TMPRSS11E: variants seen among roughly 807,000 people sequenced by gnomAD.
TMPRSS11E encodes transmembrane protease serine 11E.
In TMPRSS11E, 38 loss-of-function variants were observed where a neutral mutation model predicts 48.1. The observed-to-expected ratio is 0.79, with a 90% CI of 0.61 to 1.04. The LOEUF (loss-of-function observed/expected upper bound fraction) is 1.04. Among genes scored for constraint, TMPRSS11E ranks in the 50% least tolerant of loss-of-function variants. The pLI is 0.00. For missense variants in TMPRSS11E, 530 were observed against 510.8 expected (o/e 1.04, Z -0.36); for synonymous variants, 158 against 171.9 (o/e 0.92, Z 0.63).
intron 1 of TMPRSS11E, among the ~76,000 whole-genome samples, chr4:68,453,363 A>G (rs946627600): frequency 2.6e-5 from 4 of 152,002 alleles, no homozygotes; most frequent in Admixed American, 2.0e-4. Flanking sequence ...AGTAACAGGC[A>G]GTTAGGACTA....
intron 8 of TMPRSS11E, 130 bp from the exon 9 acceptor site, chr4:68,478,719 T>A: frequency 1.1e-6 from 1 of 951,218 alleles, no homozygotes; most frequent in South Asian, 1.6e-5. Context: ...CCTCTCAAAG[T>A]GCTGGGATTA....
rs932896295 is a variant in TMPRSS11E at position 68,496,994 on chromosome 4, A to G, written c.*190A>G. ...CACATAAGCATCCTGCTTCTGCCAG[A>G]TCAACTCTGTCATCTGTGAGCAATA... On this transcript the variant is annotated 3_prime_UTR_variant, in exon 10 of 10. Coordinates refer to ENST00000305363, the MANE Select transcript of TMPRSS11E (RefSeq NM_014058.4). The G allele has an allele frequency of 3.6e-6, 2 of 557,596 alleles. No homozygotes were observed. Among genetic ancestry groups the G allele is most frequent in the Non-Finnish European group, 3.2e-6 (1 of 315,680 alleles). The allele number at this position is 557,596 out of a possible 1,614,324, so 34.5% of individuals were successfully genotyped here. A position where few individuals can be genotyped will look rare whatever the true frequency, so the allele number is the denominator to read the frequency against.
At chr4:68,484,890 G>T (rs1297480622) in intron 9 of TMPRSS11E, among the ~76,000 whole-genome samples, 1 of 152,178 alleles carries the variant, frequency 6.6e-6, no homozygotes, top group Non-Finnish European at 1.5e-5. Context: ...CATATCATTT[G>T]TGAAGAGAGA....
chr4:68,469,945 C>G (rs982905278), intron 4 of TMPRSS11E, among the ~76,000 whole-genome samples: 1 of 151,944 alleles, frequency 6.6e-6, no homozygotes, highest in Admixed American at 6.6e-5. Context: ...TTCCCAATAA[C>G]TTTCCAATTT....
In TMPRSS11E at chr4:68,477,489, T is replaced by C. The variant is rs972581569; in HGVS notation, c.828T>C (p.Tyr276=). The change falls in exon 8 of 10, where the codon TAT becomes TAC. Residue 276 remains tyrosine (Y), a synonymous_variant. Coordinates refer to ENST00000305363, the MANE Select transcript of TMPRSS11E (RefSeq NM_014058.4). ...HEKYKHPSHD[Y]DISLAELSSP... ...AATACAAACACCCATCACATGACTATGATATTTCTCTTGCAGAGCTTTCTA... is the reference window on the plus strand; with the variant it reads ...AATACAAACACCCATCACATGACTACGATATTTCTCTTGCAGAGCTTTCTA... The C allele has an allele frequency of 1.2e-6, 2 of 1,614,058 alleles. No homozygotes were observed. The highest frequency in any genetic ancestry group is 1.3e-5 in the African/African-American group (1 of 75,014).
intron 9 of TMPRSS11E, among the ~76,000 whole-genome samples, chr4:68,496,136 G>C (rs991146720): frequency 6.6e-6 from 1 of 152,030 alleles, no homozygotes; most frequent in Non-Finnish European, 1.5e-5. Context: ...GTATTATTAG[G>C]AGCATTTACA....
intron 8 of TMPRSS11E, 27 bp downstream of exon 8, chr4:68,477,655 A>G (rs768485131): frequency 1.9e-6 from 3 of 1,607,266 alleles, no homozygotes; most frequent in Non-Finnish European, 1.7e-6. Flanking sequence ...GAACTCAAGT[A>G]AAAGTTAAAT....
chr4:68,453,324 G>A (rs1728546660), intron 1 of TMPRSS11E, among the ~76,000 whole-genome samples: 1 of 151,818 alleles, frequency 6.6e-6, no homozygotes. Context: ...TTTAGAGAAG[G>A]TGAGTAACTT....
In TMPRSS11E at chr4:68,497,385, G is replaced by A. The variant is rs935356294; in HGVS notation, c.*581G>A. 1 of 152,030 alleles carries A rather than the reference G, an allele frequency of 6.6e-6. No homozygotes were observed. Among genetic ancestry groups the A allele is most frequent in the Non-Finnish European group, 1.5e-5 (1 of 67,994 alleles). The allele number at this position is 152,030 out of a possible 1,614,324, so 9.4% of individuals were successfully genotyped here. A position where few individuals can be genotyped will look rare whatever the true frequency, so the allele number is the denominator to read the frequency against. On this transcript the variant is annotated 3_prime_UTR_variant, in exon 10 of 10. Coordinates refer to ENST00000305363, the MANE Select transcript of TMPRSS11E (RefSeq NM_014058.4). Reference sequence around the variant, plus strand: ...TCACTTCATCATTTAGGAAGTATGGGAACTAAGTTAAGGAAATCCAGAAAG... The same window carrying A: ...TCACTTCATCATTTAGGAAGTATGGAAACTAAGTTAAGGAAATCCAGAAAG...
chr4:68,477,831 A>G (rs186594015), intron 8 of TMPRSS11E, among the ~76,000 whole-genome samples: 2 of 152,304 alleles, frequency 1.3e-5, no homozygotes, highest in African/African-American at 4.8e-5. Flanking sequence ...TGCTCCTACT[A>G]TATACTACAG....
intron 1 of TMPRSS11E, among the ~76,000 whole-genome samples, chr4:68,448,832 T>A (rs1463811893): frequency 6.6e-6 from 1 of 151,818 alleles, no homozygotes; most frequent in East Asian, 1.9e-4. Context: ...CACATCTATG[T>A]TTGAGTGGGT....
rs377536516 is a variant in TMPRSS11E at position 68,477,383 on chromosome 4, C to A, written c.722C>A (p.Ala241Asp). Residue 241 changes from alanine (A) to aspartate (D), a missense_variant, in exon 8 of 10, where the codon GCC becomes GAC. Transcript: ENST00000305363. ...AHCFTTYKNP[A>D]RWTASFGVTI... is the part of the protein sequence containing the mutation. ...TTTCTCCCCAGATATAAGAACCCTG[C>A]CAGATGGACTGCTTCCTTTGGAGTA... 6 of 1,613,254 alleles carry A rather than the reference C, an allele frequency of 3.7e-6. No individual in the cohort carries two copies. The highest frequency in any genetic ancestry group is 3.3e-5 in the Admixed American group (2 of 59,924).
intron 1 of TMPRSS11E, among the ~76,000 whole-genome samples, chr4:68,460,380 C>T (rs540049705): frequency 1.3e-5 from 2 of 152,302 alleles, no homozygotes; most frequent in East Asian, 3.9e-4. Flanking sequence ...TTGCTGTTTA[C>T]ACGTTCATGA....
chr4:68,480,599 A>G (rs1729375210), intron 9 of TMPRSS11E, among the ~76,000 whole-genome samples: 1 of 152,060 alleles, frequency 6.6e-6, no homozygotes, highest in African/African-American at 2.4e-5. Context: ...ATCTTTGTCA[A>G]ATAATTTCAA....
intron 9 of TMPRSS11E, among the ~76,000 whole-genome samples, chr4:68,491,707 G>C (rs1729728041): frequency 6.6e-6 from 1 of 152,118 alleles, no homozygotes; most frequent in Non-Finnish European, 1.5e-5. Flanking sequence ...TTTGTGATTT[G>C]ACAGAATTTT....
At chr4:68,468,443 C>A (rs562396177) in intron 3 of TMPRSS11E, among the ~76,000 whole-genome samples, 1 of 152,188 alleles carries the variant, frequency 6.6e-6, no homozygotes, top group East Asian at 1.9e-4. Flanking sequence ...AAACTGACAA[C>A]TTTGTCACTA....
chr4:68,492,221 T>C (rs1407199167), intron 9 of TMPRSS11E, among the ~76,000 whole-genome samples: 1 of 152,234 alleles, frequency 6.6e-6, no homozygotes, highest in East Asian at 1.9e-4. Context: ...CTTGAAAATA[T>C]ACTTGATCCT....
intron 2 of TMPRSS11E, among the ~76,000 whole-genome samples, chr4:68,465,476 T>C (rs967300867): frequency 6.6e-6 from 1 of 152,218 alleles, no homozygotes; most frequent in Non-Finnish European, 1.5e-5. Context: ...GCATGTGAAG[T>C]AAGTGGGTAC....
At chr4:68,463,633 T>C (rs1171401590) in intron 2 of TMPRSS11E, among the ~76,000 whole-genome samples, 1 of 152,182 alleles carries the variant, frequency 6.6e-6, no homozygotes, top group Non-Finnish European at 1.5e-5. Flanking sequence ...AATGAATTGC[T>C]GGAATAACTT....
Sources: gnomAD v4.1 joint callset for allele counts (sites outside exome capture counted in the v4.1 genomes callset) on GRCh38, gnomAD v4.1.1 for gene constraint, MANE v1.5 for transcripts, NCBI Gene and HGNC (gene_info 2026-07-23, HGNC 2026-07-21) for gene names.